DDX19B: variants seen among roughly 807,000 people sequenced by gnomAD.
The protein encoded by DDX19B is ATP-dependent RNA helicase DDX19B.
In DDX19B, 27 loss-of-function variants were observed where a neutral mutation model predicts 58.1. The ratio of observed to expected loss-of-function variants is 0.46; its 90% CI spans 0.34 to 0.64. The LOEUF (loss-of-function observed/expected upper bound fraction) is 0.64, where lower values mean the gene tolerates loss of function less well. DDX19B is among the 30% of genes least tolerant of loss of function. DDX19B has a pLI of 0.01. For synonymous variants in DDX19B, 187 were observed against 214.4 expected (o/e 0.87, Z 1.12); for missense variants, 399 against 596.5 (o/e 0.67, Z 3.45).
intron 6 of DDX19B, among the ~76,000 whole-genome samples, chr16:70,325,038 C>T (rs771245766): frequency 1.3e-5 from 2 of 152,110 alleles, no homozygotes; most frequent in African/African-American, 4.8e-5. Flanking sequence ...GCAAAAAGAA[C>T]GAAACTCTGT....
rs1962295250 is a variant in DDX19B at position 70,314,960 on chromosome 16, C to A, written c.160+5C>A. 6.2e-7 allele frequency: 1 copy of A among 1,607,772 alleles called. No homozygotes were observed. The highest frequency in any genetic ancestry group is 8.5e-7 in the Non-Finnish European group (1 of 1,175,966). ...AGACAGATGAAGAAGAGAAAGGTAACACAGCCGTGGAGCTTTATATAATAA... is the reference window on the plus strand; with the variant it reads ...AGACAGATGAAGAAGAGAAAGGTAAAACAGCCGTGGAGCTTTATATAATAA... On this transcript the variant is annotated splice_donor_5th_base_variant and intron_variant, in intron 3 of 11. Coordinates refer to ENST00000288071, the MANE Select transcript of DDX19B (RefSeq NM_007242.7).
chr16:70,308,380 C>T (rs1391326035), intron 1 of DDX19B, among the ~76,000 whole-genome samples: 2 of 151,416 alleles, frequency 1.3e-5, no homozygotes, highest in East Asian at 1.9e-4. Flanking sequence ...CAGCCTCCTG[C>T]GCCACCACAC....
intron 1 of DDX19B, among the ~76,000 whole-genome samples, chr16:70,306,562 G>A (rs113336632): frequency 2.0e-5 from 3 of 152,150 alleles, no homozygotes; most frequent in African/African-American, 7.2e-5. Context: ...GCATCATAGA[G>A]TTATCTTTTG....
intron 10 of DDX19B, among the ~76,000 whole-genome samples, chr16:70,332,591 G>A (rs138239982): frequency 0.012 from 1,814 of 152,146 alleles, 28 homozygotes; most frequent in African/African-American, 0.041. Flanking sequence ...ATGAGCCACC[G>A]CACTCGGCCC....
intron 1 of DDX19B, among the ~76,000 whole-genome samples, chr16:70,309,494 C>CA (rs2152191697): frequency 6.7e-6 from 1 of 148,826 alleles, no homozygotes; most frequent in South Asian, 2.1e-4. Flanking sequence ...GACTCCATCT[C>CA]AAAAAACAAA....
chr16:70,291,409 C>T (rs533912613), upstream of DDX19B, among the ~76,000 whole-genome samples: 1 of 152,278 alleles, frequency 6.6e-6, no homozygotes, highest in African/African-American at 2.4e-5. Context: ...ATGAATTGTA[C>T]TTTCAGAATA....
At chr16:70,295,117 T>A (rs1255021457), upstream of DDX19B, 6 of 1,228,364 alleles carry the variant, frequency 4.9e-6, no homozygotes, top group Non-Finnish European at 5.2e-6. Context: ...TAGGCTCACG[T>A]GGGAATAAAT....
intron 5 of DDX19B, among the ~76,000 whole-genome samples, chr16:70,321,902 G>A (rs1423659070): frequency 2.6e-5 from 4 of 151,850 alleles, no homozygotes; most frequent in African/African-American, 9.7e-5. Context: ...GGGCATGGTG[G>A]CACGTGCCTG....
At chr16:70,290,604 TG>T (rs1265235466), upstream of DDX19B, among the ~76,000 whole-genome samples, 11 of 151,952 alleles carry the variant, frequency 7.2e-5, no homozygotes, top group Non-Finnish European at 1.6e-4. Flanking sequence ...GAGGTTGAAG[TG>T]GGAGGATCAC....
intron 2 of DDX19B, among the ~76,000 whole-genome samples, chr16:70,313,218 C>T (rs1220828866): frequency 1.3e-5 from 2 of 152,126 alleles, no homozygotes; most frequent in African/African-American, 4.8e-5. Context: ...TGGGGTTTCA[C>T]TGTGTTAGCC....
upstream of DDX19B, among the ~76,000 whole-genome samples, chr16:70,294,414 A>G (rs1251197567): frequency 6.6e-6 from 1 of 152,160 alleles, no homozygotes; most frequent in Non-Finnish European, 1.5e-5. Flanking sequence ...TTCAGGCGAT[A>G]TCTATGCTGC....
chr16:70,307,638 C>T (rs562502410), intron 1 of DDX19B, among the ~76,000 whole-genome samples: 3 of 152,110 alleles, frequency 2.0e-5, no homozygotes, highest in African/African-American at 7.2e-5. Flanking sequence ...ACTAGGATTA[C>T]AGGCGTGAGC....
At chr16:70,317,094 G>A (rs1015299694) in intron 4 of DDX19B, among the ~76,000 whole-genome samples, 3 of 151,772 alleles carry the variant, frequency 2.0e-5, no homozygotes, top group Admixed American at 6.6e-5. Context: ...TGTAGTACCA[G>A]GTACTCAGGA....
intron 11 of DDX19B, 92 bp from the exon 12 acceptor site, chr16:70,333,429 C>T (rs902077401): frequency 1.3e-6 from 2 of 1,597,674 alleles, no homozygotes; most frequent in Admixed American, 3.4e-5. Context: ...TGCTTAGGCA[C>T]CCGGAGCCTT....
chr16:70,305,970 A>G (rs972969601), intron 1 of DDX19B, among the ~76,000 whole-genome samples: 1 of 151,962 alleles, frequency 6.6e-6, no homozygotes, highest in African/African-American at 2.4e-5. Flanking sequence ...TCACCGTGTT[A>G]GCCAGGATGG....
At chr16:70,308,153 A>G (rs1961866966) in intron 1 of DDX19B, among the ~76,000 whole-genome samples, 1 of 151,570 alleles carries the variant, frequency 6.6e-6, no homozygotes, top group Admixed American at 6.6e-5. Context: ...GGTTTTCACC[A>G]TGTTGGCCAG....
At position 70,324,669 on chromosome 16, in the gene DDX19B, T is replaced by C. The variant is rs1016352355; in HGVS notation, c.474T>C (p.Pro158=). The change falls in exon 6 of 12, where the codon CCT becomes CCC. Residue 158 remains proline, a synonymous_variant. Coordinates refer to ENST00000288071, the MANE Select transcript of DDX19B (RefSeq NM_007242.7). ...TGGCCATGCTTAGCCAAGTAGAACC[T>C]GCAAACAAATACCCCCAGGTAAGGA... ...FVLAMLSQVE[P]ANKYPQCLCL... 5 of 1,613,486 alleles carry C rather than the reference T, an allele frequency of 3.1e-6. No homozygotes were observed. The highest frequency in any genetic ancestry group is 1.7e-5 in the Admixed American group (1 of 59,710).
At chr16:70,307,580 C>T (rs968504708) in intron 1 of DDX19B, among the ~76,000 whole-genome samples, 1 of 150,870 alleles carries the variant, frequency 6.6e-6, no homozygotes, top group African/African-American at 2.4e-5. Flanking sequence ...CCACAGTGCT[C>T]TCGAACTCCT....
chr16:70,335,001 T>C lies in DDX19B; in HGVS notation c.*1419T>C, dbSNP rs536548989. 2 of 152,242 alleles carry C rather than the reference T, an allele frequency of 1.3e-5. No homozygotes were observed. Among genetic ancestry groups the C allele is most frequent in the East Asian group, 3.9e-4 (2 of 5,182 alleles). 9.4% of individuals were successfully genotyped at this position (152,242 alleles called of 1,614,324 possible). A position where few individuals can be genotyped will look rare whatever the true frequency, so the allele number is the denominator to read the frequency against. On this transcript the variant is annotated 3_prime_UTR_variant, in exon 12 of 12. Transcript: ENST00000288071. ...TGATCCTAGGTCTTCTTTGTACGCATCTCCGTATTTAGGCCAGATCTGCCT... is the reference window on the plus strand; with the variant it reads ...TGATCCTAGGTCTTCTTTGTACGCACCTCCGTATTTAGGCCAGATCTGCCT...
Sources: gnomAD v4.1 joint callset for allele counts (sites outside exome capture counted in the v4.1 genomes callset) on GRCh38, gnomAD v4.1.1 for gene constraint, MANE v1.5 for transcripts, NCBI Gene and HGNC (gene_info 2026-07-23, HGNC 2026-07-21) for gene names.